The following CHD1 variants were observed in gnomAD, a reference collection of about 807,000 sequenced individuals.
CHD1 encodes ATP-dependent chromatin remodeler CHD1.
Under a neutral mutation model 224.2 loss-of-function variants are expected in CHD1, and 36 were observed. That is an observed-to-expected ratio of 0.16 (90% CI 0.12 to 0.21). CHD1 has a LOEUF of 0.21. CHD1 is among the 10% of genes least tolerant of loss of function. The probability of loss-of-function intolerance (pLI) is 1.00; values close to 1 mark genes in which losing one functional copy is unlikely to be tolerated. For synonymous variants in CHD1, 668 were observed against 658.3 expected (o/e 1.01, Z -0.23); for missense variants, 1,378 against 1,994.8 (o/e 0.69, Z 5.89).
In CHD1 at chr5:98,873,743, T is replaced by C. The variant is rs1415852668; in HGVS notation, c.3441-20A>G. On this transcript the variant is annotated intron_variant, in intron 25 of 35. Transcript: ENST00000614616. ...TCTAATCTGTAACAAAATAATCCAA[T>C]TTTCAGGTAAATATGTTAAATGAAG... 3.1e-6 allele frequency: 5 copies of C among 1,591,002 alleles called. No individual in the cohort carries two copies. The African/African-American group carries it at 5.4e-5, about 17-fold the overall frequency.
At chr5:98,884,223 G>A (rs1205155184) in intron 18 of CHD1, among the ~76,000 whole-genome samples, 9 of 151,684 alleles carry the variant, frequency 5.9e-5, no homozygotes, top group African/African-American at 1.9e-4. Flanking sequence ...ACAGGCGCCC[G>A]CCACTACGCC....
intron 17 of CHD1, among the ~76,000 whole-genome samples, chr5:98,887,041 T>C (rs1042403692): frequency 1.3e-5 from 2 of 152,164 alleles, no homozygotes; most frequent in Non-Finnish European, 2.9e-5. Context: ...CTACAGGTTC[T>C]TTCTGATGAA....
At chr5:98,902,187 A>G (rs1403906229) in intron 5 of CHD1, among the ~76,000 whole-genome samples, 1 of 152,126 alleles carries the variant, frequency 6.6e-6, no homozygotes, top group East Asian at 1.9e-4. Context: ...TAGGAGGACC[A>G]GAGAGATTTG....
rs1349883607 is a variant in CHD1 at position 98,924,690 on chromosome 5, GTCAGGCC to G, written c.53+1637_53+1643del. Among the ~76,000 whole-genome samples the G allele has an allele frequency of 9.9e-5, 15 of 152,264 alleles. No homozygotes were observed. In the East Asian group the frequency reaches 2.5e-3, roughly 25 times the overall value. On this transcript the variant is annotated intron_variant, in intron 2 of 35. Transcript: ENST00000614616. ...CTAGCAAGGTCAGAAAATTCCAAGTGTCAGGCCTGGCGTGGTGGCTCATGCCTATAAT... is the reference window on the plus strand; with the variant it reads ...CTAGCAAGGTCAGAAAATTCCAAGTGTGGCGTGGTGGCTCATGCCTATAAT...
chr5:98,911,149 ATATATATAT>A (rs1752388134), intron 2 of CHD1, among the ~76,000 whole-genome samples: 12 of 77,866 alleles, frequency 1.5e-4, no homozygotes, highest in African/African-American at 6.1e-4. Context: ...AAAAAAAAAT[ATATATATAT>A]ATATATATAT....
intron 31 of CHD1, among the ~76,000 whole-genome samples, chr5:98,866,274 A>T (rs1748861255): frequency 6.6e-6 from 1 of 152,222 alleles, no homozygotes; most frequent in Admixed American, 6.5e-5. Context: ...AGCAGCTTTG[A>T]ATGTCTCCAA....
Position 98,893,357 on chromosome 5 carries a change from T to C in CHD1, c.1991+59A>G. 2.6e-6 allele frequency: 3 copies of C among 1,173,940 alleles called. No individual in the cohort carries two copies. In the South Asian group the frequency reaches 5.2e-5, roughly 20 times the overall value. 72.7% of individuals were successfully genotyped at this position (1,173,940 alleles called of 1,614,324 possible). A position where few individuals can be genotyped will look rare whatever the true frequency, so the allele number is the denominator to read the frequency against. On this transcript the variant is annotated intron_variant, in intron 14 of 35. Coordinates refer to ENST00000614616, the MANE Select transcript of CHD1 (RefSeq NM_001270.4). ...ACTCTTACTGACCTTATTACCTGGG[T>C]TTATTCCCACTAAACATAATATCCA...
chr5:98,898,600 A>G, intron 9 of CHD1, 64 bp downstream of exon 9: 1 of 1,284,810 alleles, frequency 7.8e-7, no homozygotes, highest in Non-Finnish European at 1.1e-6. Flanking sequence ...TGGCAAACTT[A>G]TGACTTTTTT....
In CHD1 at chr5:98,855,478, A is replaced by G. The variant is rs1240348527; in HGVS notation, c.*902T>C. ...CCAGAGCATGCAGTTTAGATTTTAC[A>G]TATCTCGCCATTTTTTAAAACTACA... On this transcript the variant is annotated 3_prime_UTR_variant, in exon 36 of 36. Transcript: ENST00000614616. The G allele has an allele frequency of 3.3e-5, 5 of 152,420 alleles. No individual in the cohort carries two copies. Among genetic ancestry groups the G allele is most frequent in the Non-Finnish European group, 5.9e-5 (4 of 67,986 alleles). 9.4% of individuals were successfully genotyped at this position (152,420 alleles called of 1,614,324 possible).
At position 98,899,653 on chromosome 5, in the gene CHD1, A is replaced by G. The variant is rs2112513417; in HGVS notation, c.912T>C (p.Asn304=). ...IYAVEADGDP[N]AGFEKNKEPG... ...GTTCTTTGTTTTTTTCAAAGCCTGC[A>G]TTTGGGTCACCATCTGCTTCAACTG... The change falls in exon 8 of 36, where the codon AAT becomes AAC. Residue 304 remains asparagine, a synonymous_variant. Transcript: ENST00000614616. The G allele has an allele frequency of 6.2e-7, 1 of 1,613,842 alleles. No individual in the cohort carries two copies. The highest frequency in any genetic ancestry group is 1.1e-5 in the South Asian group (1 of 91,078).
In CHD1 at chr5:98,854,958, A is replaced by G. The variant is rs188742281; in HGVS notation, c.*1422T>C. 3.6e-4 allele frequency: 55 copies of G among 152,294 alleles called. No individual in the cohort carries two copies. The highest frequency in any genetic ancestry group is 1.0e-3 in the Admixed American group (16 of 15,286). The allele number at this position is 152,294 out of a possible 1,614,324, so 9.4% of individuals were successfully genotyped here. ...AATAAATATAAAGCATCCCATAATAATATCTGTAGGAAGCCAAAAGGGGCC... is the reference window on the plus strand; with the variant it reads ...AATAAATATAAAGCATCCCATAATAGTATCTGTAGGAAGCCAAAAGGGGCC... On this transcript the variant is annotated 3_prime_UTR_variant, in exon 36 of 36. Transcript: ENST00000614616.
At chr5:98,867,088 A>G (rs1267854007) in intron 31 of CHD1, among the ~76,000 whole-genome samples, 1 of 152,216 alleles carries the variant, frequency 6.6e-6, no homozygotes, top group African/African-American at 2.4e-5. Flanking sequence ...AGTACTATTA[A>G]GCACATACAT....
chr5:98,906,176 G>A (rs1372374258), intron 2 of CHD1, among the ~76,000 whole-genome samples: 1 of 152,106 alleles, frequency 6.6e-6, no homozygotes, highest in Non-Finnish European at 1.5e-5. Context: ...GATTCTACAG[G>A]TGAGATATAT....
intron 2 of CHD1, among the ~76,000 whole-genome samples, chr5:98,910,774 AT>A (rs1752338769): frequency 6.6e-6 from 1 of 152,066 alleles, no homozygotes; most frequent in Non-Finnish European, 1.5e-5. Flanking sequence ...TGGACATATT[AT>A]TCTTTGTGAA....
chr5:98,869,101 TTTC>T, intron 30 of CHD1: 1 of 923,758 alleles, frequency 1.1e-6, no homozygotes, highest in Non-Finnish European at 1.3e-6. Flanking sequence ...CCTTTATATC[TTTC>T]TTATCCTCTT....
chr5:98,856,622 G>A lies in CHD1; in HGVS notation c.4891C>T (p.His1631Tyr). Residue 1631 changes from histidine to tyrosine, a missense_variant, in exon 36 of 36, where the codon CAT (histidine) becomes TAT (tyrosine). By Grantham distance (83) the His-to-Tyr change is moderately conservative (BLOSUM62 2). Transcript: ENST00000614616. ...GSLKDRSHSD[H>Y]RSHSDHRLHS... ...AACCGATGATCTGAGTGAGAACGAT[G>A]ATCAGAATGAGATCTATCTTTTAAA... The A allele has an allele frequency of 6.2e-7, 1 of 1,613,586 alleles. No homozygotes were observed. The highest frequency in any genetic ancestry group is 1.1e-5 in the South Asian group (1 of 91,060).
At position 98,902,935 on chromosome 5, in the gene CHD1, G is replaced by C; in HGVS notation, c.402C>G (p.Asp134Glu). 1.2e-6 allele frequency: 2 copies of C among 1,605,852 alleles called. No individual in the cohort carries two copies. The highest frequency in any genetic ancestry group is 1.7e-6 in the Non-Finnish European group (2 of 1,174,458). Reference sequence around the variant, plus strand: ...TTTTCCTTTTGACCTCACTTGATGAGTCATCGGAATCTTCACTGCTAGAGG... The same window carrying C: ...TTTTCCTTTTGACCTCACTTGATGACTCATCGGAATCTTCACTGCTAGAGG... ...EDSSSSEDSD[D>E]SSSEVKRKKH... Residue 134 changes from aspartate (D) to glutamate (E), a missense_variant, in exon 5 of 36, where the codon GAC becomes GAG. By Grantham distance (45) the Asp-to-Glu change is conservative. Coordinates refer to ENST00000614616, the MANE Select transcript of CHD1 (RefSeq NM_001270.4).
intron 32 of CHD1, among the ~76,000 whole-genome samples, chr5:98,861,182 A>C (rs1457157800): frequency 3.3e-5 from 5 of 152,158 alleles, no homozygotes; most frequent in Non-Finnish European, 7.4e-5. Flanking sequence ...TTCCTTTGTC[A>C]TTCTCCAGTC....
intron 34 of CHD1, chr5:98,858,624 TC>T: frequency 2.1e-6 from 1 of 474,876 alleles, no homozygotes; most frequent in Admixed American, 3.6e-5. Context: ...CCTATTCCTT[TC>T]TCAGACTATA....
Sources: gnomAD v4.1 joint callset for allele counts (sites outside exome capture counted in the v4.1 genomes callset) on GRCh38, gnomAD v4.1.1 for gene constraint, MANE v1.5 for transcripts, NCBI Gene and HGNC (gene_info 2026-07-23, HGNC 2026-07-21) for gene names.